Variants in CNTNAP4 observed in about 807,000 individuals in gnomAD.
CNTNAP4 encodes contactin associated protein family member 4.
CNTNAP4 carries 98 observed loss-of-function variants against 148.4 expected under a neutral mutation model. That is an observed-to-expected ratio of 0.66 (90% confidence interval 0.56 to 0.78). The LOEUF is 0.78. Among genes scored for constraint, CNTNAP4 ranks in the 30% least tolerant of loss-of-function variants. The pLI is 0.00. For missense variants in CNTNAP4, 1,935 were observed against 1,565.6 expected (o/e 1.24, Z -3.98); for synonymous variants, 730 against 565.1 (o/e 1.29, Z -4.14).
chr16:76,553,343 T>G lies in CNTNAP4; in HGVS notation c.3503T>G (p.Leu1168Arg). ...LAGAQGFTGC[L>R]SAVQLSHVAP... Reference sequence around the variant, plus strand: ...GGTGCGCAGGGCTTCACAGGCTGCCTCTCTGCAGTGCAGCTCAGCCACGTG... The same window carrying G: ...GGTGCGCAGGGCTTCACAGGCTGCCGCTCTGCAGTGCAGCTCAGCCACGTG... The change falls in exon 22 of 24, where the codon CTC becomes CGC. Residue 1168 changes from leucine to arginine, a missense_variant. Coordinates refer to ENST00000611870, the MANE Select transcript of CNTNAP4 (RefSeq NM_033401.5). The G allele has an allele frequency of 6.2e-7, 1 of 1,613,090 alleles. No individual in the cohort carries two copies. Among genetic ancestry groups the G allele is most frequent in the Non-Finnish European group, 8.5e-7 (1 of 1,179,478 alleles).
At chr16:76,289,462 C>T (rs1237435111) in intron 1 of CNTNAP4, among the ~76,000 whole-genome samples, 2 of 151,848 alleles carry the variant, frequency 1.3e-5, no homozygotes, top group East Asian at 3.9e-4. Flanking sequence ...GCAGTGTGAC[C>T]ACAGCCTCCT....
intron 7 of CNTNAP4, among the ~76,000 whole-genome samples, chr16:76,450,419 G>A (rs1222555593): frequency 6.6e-6 from 1 of 152,096 alleles, no homozygotes; most frequent in African/African-American, 2.4e-5. Flanking sequence ...CAAAGTGCTG[G>A]GATTACAGGC....
intron 11 of CNTNAP4, among the ~76,000 whole-genome samples, chr16:76,478,024 A>T (rs954175204): frequency 2.6e-5 from 4 of 152,228 alleles, no homozygotes; most frequent in African/African-American, 9.6e-5. Context: ...AAATGAAGCC[A>T]GAATGACAGT....
chr16:76,384,354 T>G (rs1308865535), intron 3 of CNTNAP4, among the ~76,000 whole-genome samples: 1 of 152,138 alleles, frequency 6.6e-6, no homozygotes, highest in Non-Finnish European at 1.5e-5. Flanking sequence ...GTTCCCAGTC[T>G]TATACAATAC....
chr16:76,420,980 T>G lies in CNTNAP4; in HGVS notation c.391-6472T>G, dbSNP rs572734818. ...CGTACATATCATATCCTAATATAAATGTAAGCTTTATGACTTGTCCACATA... is the reference window on the plus strand; with the variant it reads ...CGTACATATCATATCCTAATATAAAGGTAAGCTTTATGACTTGTCCACATA... On this transcript the variant is annotated intron_variant, in intron 3 of 23. Transcript: ENST00000611870. Among the ~76,000 whole-genome samples, 7 of 152,180 alleles carry G rather than the reference T, an allele frequency of 4.6e-5. No homozygotes were observed. In the South Asian group the frequency reaches 1.4e-3, roughly 32 times the overall value.
chr16:76,295,920 C>T (rs747689108), intron 1 of CNTNAP4, among the ~76,000 whole-genome samples: 12 of 152,128 alleles, frequency 7.9e-5, no homozygotes, highest in Non-Finnish European at 1.0e-4. Context: ...TGGGTTCCAG[C>T]GATTCTCCTG....
At chr16:76,291,415 A>T (rs72626196) in intron 1 of CNTNAP4, among the ~76,000 whole-genome samples, 3,905 of 152,144 alleles carry the variant, frequency 0.026, 247 homozygotes, top group East Asian at 0.24. Flanking sequence ...CTTTGCTTTT[A>T]TCTGCACCTG....
intron 23 of CNTNAP4, chr16:76,557,928 A>C (rs1367143352): frequency 1.3e-5 from 2 of 152,240 alleles, no homozygotes; most frequent in Admixed American, 6.5e-5. Context: ...CGCAGTACTT[A>C]GAATTTGTAT....
chr16:76,546,174 C>T (rs1256205102), intron 21 of CNTNAP4, among the ~76,000 whole-genome samples: 1 of 152,126 alleles, frequency 6.6e-6, no homozygotes, highest in African/African-American at 2.4e-5. Flanking sequence ...AAGGGATTGG[C>T]TGGGGTGTGA....
At chr16:76,437,589 A>G (rs2079878463) in intron 4 of CNTNAP4, among the ~76,000 whole-genome samples, 1 of 152,096 alleles carries the variant, frequency 6.6e-6, no homozygotes, top group Non-Finnish European at 1.5e-5. Flanking sequence ...GGTTCATGAT[A>G]ATAATAATTG....
At chr16:76,489,419 A>G (rs1031285512) in intron 12 of CNTNAP4, among the ~76,000 whole-genome samples, 1 of 152,160 alleles carries the variant, frequency 6.6e-6, no homozygotes, top group Non-Finnish European at 1.5e-5. Flanking sequence ...ATTTTTCATC[A>G]TAAATATTGT....
chr16:76,462,751 A>G (rs948274504), intron 9 of CNTNAP4, among the ~76,000 whole-genome samples: 4 of 152,230 alleles, frequency 2.6e-5, no homozygotes, highest in Non-Finnish European at 5.9e-5. Context: ...ATCACTGGCA[A>G]ATTAAAACAA....
At chr16:76,453,249 G>A (rs1391557261) in intron 8 of CNTNAP4, among the ~76,000 whole-genome samples, 1 of 152,134 alleles carries the variant, frequency 6.6e-6, no homozygotes, top group African/African-American at 2.4e-5. Context: ...TTTATTTGCT[G>A]ATGTCTTATG....
chr16:76,490,214 C>T lies in CNTNAP4; in HGVS notation c.2080+331C>T, dbSNP rs189063452. Reference sequence around the variant, plus strand: ...TATCCCTGATAAAGGGCAAGTGACACATAAGGTTTATTTTATCATGGAAAA... The same window carrying T: ...TATCCCTGATAAAGGGCAAGTGACATATAAGGTTTATTTTATCATGGAAAA... On this transcript the variant is annotated intron_variant, in intron 13 of 23. Transcript: ENST00000611870. Among the ~76,000 whole-genome samples the T allele has an allele frequency of 2.7e-3, 404 of 152,230 alleles. 11 individuals are homozygous for T. Among genetic ancestry groups the T allele is most frequent in the Admixed American group, 0.023 (355 of 15,290 alleles).
chr16:76,503,155 C>T (rs192560568), intron 15 of CNTNAP4, among the ~76,000 whole-genome samples: 172 of 152,294 alleles, frequency 1.1e-3, no homozygotes, highest in Non-Finnish European at 2.0e-3. Context: ...TAATGTCATA[C>T]TTTGAATAGT....
At chr16:76,288,582 C>T (rs1373492834) in intron 1 of CNTNAP4, among the ~76,000 whole-genome samples, 1 of 152,184 alleles carries the variant, frequency 6.6e-6, no homozygotes, top group African/African-American at 2.4e-5. Context: ...TTTCATAGCA[C>T]TTCAAATGTT....
chr16:76,544,031 G>A (rs1371953918), intron 21 of CNTNAP4, among the ~76,000 whole-genome samples: 1 of 152,156 alleles, frequency 6.6e-6, no homozygotes, highest in Non-Finnish European at 1.5e-5. Context: ...TTATGGCAGT[G>A]GGGATTTCGA....
intron 3 of CNTNAP4, among the ~76,000 whole-genome samples, chr16:76,384,772 A>C (rs1445927823): frequency 6.6e-6 from 1 of 152,222 alleles, no homozygotes; most frequent in African/African-American, 2.4e-5. Flanking sequence ...CATATATAAC[A>C]CATTTTCAAA....
At chr16:76,451,599 A>ATGTGTGTTTGTGTG (rs2080474817) in intron 7 of CNTNAP4, among the ~76,000 whole-genome samples, 1 of 141,258 alleles carries the variant, frequency 7.1e-6, no homozygotes, top group Admixed American at 7.2e-5. Flanking sequence ...TTTTAGATAG[A>ATGTGTGTTTGTGTG]TGTGTGTGTG....
Sources: gnomAD v4.1 joint callset for allele counts (sites outside exome capture counted in the v4.1 genomes callset) on GRCh38, gnomAD v4.1.1 for gene constraint, MANE v1.5 for transcripts, NCBI Gene and HGNC (gene_info 2026-07-23, HGNC 2026-07-21) for gene names.